Variants in TMEM170B observed in about 807,000 individuals in gnomAD.
TMEM170B encodes the protein transmembrane protein 170B.
A neutral mutation model predicts 13.0 loss-of-function variants in TMEM170B; 6 were observed. That is an observed-to-expected ratio of 0.46 (90% confidence interval 0.25 to 0.91). The LOEUF is 0.91. Among genes scored for constraint, TMEM170B ranks in the 40% least tolerant of loss-of-function variants. The pLI is 0.17. For synonymous variants in TMEM170B, 61 were observed against 64.9 expected (o/e 0.94, Z 0.29); for missense variants, 138 against 165.2 (o/e 0.84, Z 0.90).
Position 11,578,032 on chromosome 6 carries a change from G to A in TMEM170B, c.*2471G>A, listed in dbSNP as rs533708097. ...TGTTTAATGATATATATACACACAC[G>A]TATATATCATTATATAGGTATATAG... On this transcript the variant is annotated 3_prime_UTR_variant, in exon 3 of 3. Coordinates refer to ENST00000379426, the MANE Select transcript of TMEM170B (RefSeq NM_001100829.3). The A allele has an allele frequency of 2.6e-5, 4 of 152,134 alleles. No individual in the cohort carries two copies. In the South Asian group the frequency reaches 8.3e-4, roughly 31 times the overall value. 9.4% of individuals were successfully genotyped at this position (152,134 alleles called of 1,614,324 possible). A position where few individuals can be genotyped will look rare whatever the true frequency, so the allele number is the denominator to read the frequency against.
intron 2 of TMEM170B, among the ~76,000 whole-genome samples, chr6:11,571,175 C>CTTTTTT (rs11292093): frequency 4.0e-5 from 5 of 124,356 alleles, no homozygotes; most frequent in Admixed American, 8.1e-5. Context: ...CATATGCTTG[C>CTTTTTT]TTTTTTTTTT....
In TMEM170B at chr6:11,542,848, C is replaced by T. The variant is rs568942597; in HGVS notation, c.97+4474C>T. The stretch of plus-strand genomic sequence containing the variant: ...AAACATCTGTCATTTGTTGAATGGC[C>T]GCTGTGTGTTAGGCACTTTACATAT... On this transcript the variant is annotated intron_variant, in intron 1 of 2. Coordinates refer to ENST00000379426, the MANE Select transcript of TMEM170B (RefSeq NM_001100829.3). Among the ~76,000 whole-genome samples the T allele has an allele frequency of 5.3e-5, 8 of 152,250 alleles. No homozygotes were observed. The East Asian group carries it at 1.5e-3, about 29-fold the overall frequency.
chr6:11,546,469 A>G lies in TMEM170B; in HGVS notation c.97+8095A>G, dbSNP rs1181492996. On this transcript the variant is annotated intron_variant, in intron 1 of 2. Transcript: ENST00000379426. ...AATAAATTTAGTGTAGCCTGTGTAT[A>G]GTGTTTATAAAGTCTACAGCAGTGT... Among the ~76,000 whole-genome samples the G allele has an allele frequency of 8.5e-5, 13 of 152,322 alleles. No homozygotes were observed. The South Asian group carries it at 1.9e-3, about 22-fold the overall frequency.
intron 1 of TMEM170B, among the ~76,000 whole-genome samples, chr6:11,540,171 G>A (rs1759339691): frequency 6.6e-6 from 1 of 152,208 alleles, no homozygotes; most frequent in Admixed American, 6.5e-5. Flanking sequence ...TGGAGATTGG[G>A]ATGATGGCAG....
chr6:11,538,402 G>A (rs1219262701), intron 1 of TMEM170B, 28 bp downstream of exon 1: 3 of 1,469,346 alleles, frequency 2.0e-6, no homozygotes, highest in Admixed American at 2.3e-5. Flanking sequence ...GCTGGGGACG[G>A]GGATGCGGTC....
intron 1 of TMEM170B, among the ~76,000 whole-genome samples, chr6:11,539,307 TAAAAA>T (rs1255521727): frequency 6.6e-6 from 1 of 152,140 alleles, no homozygotes; most frequent in African/African-American, 2.4e-5. Context: ...AAAAAAATCT[TAAAAA>T]AATACTCAGA....
At chr6:11,557,450 G>GCA (rs1243731424) in intron 1 of TMEM170B, among the ~76,000 whole-genome samples, 3 of 151,856 alleles carry the variant, frequency 2.0e-5, no homozygotes, top group Non-Finnish European at 2.9e-5. Flanking sequence ...AACCACCATG[G>GCA]CACACATTTA....
Position 11,538,314 on chromosome 6 carries a change from C to T in TMEM170B, c.37C>T (p.Leu13=), listed in dbSNP as rs1582135358. The T allele has an allele frequency of 1.3e-6, 2 of 1,490,260 alleles. No homozygotes were observed. The highest frequency in any genetic ancestry group is 1.8e-6 in the Non-Finnish European group (2 of 1,126,572). The allele number at this position is 1,490,260 out of a possible 1,614,324, so 92.3% of individuals were successfully genotyped here. ...GGGGGGCGACCACTCCATGATCAAC[C>T]TGTCGGTGCAGCAGGTCCTGAGCCT... ...AEGGDHSMIN[L]SVQQVLSLWA... is the part of the protein sequence containing the mutation. The change falls in exon 1 of 3, where the codon CTG becomes TTG. Residue 13 remains leucine (L), a synonymous_variant. Coordinates refer to ENST00000379426, the MANE Select transcript of TMEM170B (RefSeq NM_001100829.3).
intron 2 of TMEM170B, among the ~76,000 whole-genome samples, chr6:11,573,659 C>A (rs199508405): frequency 1.3e-5 from 2 of 152,140 alleles, no homozygotes; most frequent in Non-Finnish European, 2.9e-5. Flanking sequence ...AGTTGTTTGC[C>A]ATTTCGCAGG....
intron 1 of TMEM170B, 77 bp downstream of exon 1, chr6:11,538,451 C>G: frequency 9.2e-7 from 1 of 1,090,666 alleles, no homozygotes; most frequent in Non-Finnish European, 1.3e-6. Flanking sequence ...GGAGGGGACA[C>G]GCTCCTCGCC....
At chr6:11,552,016 C>T (rs185517562) in intron 1 of TMEM170B, among the ~76,000 whole-genome samples, 26 of 152,226 alleles carry the variant, frequency 1.7e-4, no homozygotes, top group Middle Eastern at 3.4e-3. Flanking sequence ...TCCAGGCCTG[C>T]GTATCAGAAT....
chr6:11,553,246 A>G (rs1679422792), intron 1 of TMEM170B, among the ~76,000 whole-genome samples: 1 of 152,148 alleles, frequency 6.6e-6, no homozygotes, highest in Admixed American at 6.5e-5. Flanking sequence ...TAATTGAAAA[A>G]CAAAAATCCA....
chr6:11,545,280 CTGTGTGTGTGTG>C (rs1210551633), intron 1 of TMEM170B, among the ~76,000 whole-genome samples: 17 of 139,736 alleles, frequency 1.2e-4, no homozygotes, highest in Admixed American at 3.6e-4. Flanking sequence ...CTCTCTCTCT[CTGTGTGTGTGTG>C]TGTGTGTGTG....
At chr6:11,571,546 T>G (rs941394320) in intron 2 of TMEM170B, among the ~76,000 whole-genome samples, 1 of 152,166 alleles carries the variant, frequency 6.6e-6, no homozygotes, top group African/African-American at 2.4e-5. Flanking sequence ...TTTCCTTATT[T>G]CTAATTGATC....
rs1221852568 is a variant in TMEM170B, at chr6:11,582,583, GTT to G, written c.*7023_*7024del. Reference sequence around the variant, plus strand: ...CAAGTATGAAATGGAAAAAAATGTAGTTAAGAAAATTAAGTGTGAGACTTTAA... The same window carrying G: ...CAAGTATGAAATGGAAAAAAATGTAGAAGAAAATTAAGTGTGAGACTTTAA... On this transcript the variant is annotated 3_prime_UTR_variant, in exon 3 of 3. Coordinates refer to ENST00000379426, the MANE Select transcript of TMEM170B (RefSeq NM_001100829.3). 1 of 152,096 alleles carries G rather than the reference GTT, an allele frequency of 6.6e-6. No homozygotes were observed. The highest frequency in any genetic ancestry group is 1.5e-5 in the Non-Finnish European group (1 of 68,018). 9.4% of individuals were successfully genotyped at this position (152,096 alleles called of 1,614,324 possible). A position where few individuals can be genotyped will look rare whatever the true frequency, so the allele number is the denominator to read the frequency against.
intron 1 of TMEM170B, among the ~76,000 whole-genome samples, chr6:11,540,122 T>C (rs1369740648): frequency 6.6e-6 from 1 of 152,202 alleles, no homozygotes; most frequent in East Asian, 1.9e-4. Flanking sequence ...GGTCTTGTCT[T>C]TGTGTTGATG....
At chr6:11,559,181 T>G (rs1582142797) in intron 1 of TMEM170B, among the ~76,000 whole-genome samples, 1 of 151,086 alleles carries the variant, frequency 6.6e-6, no homozygotes, top group South Asian at 2.1e-4. Flanking sequence ...CTTTATATAT[T>G]TTTTTCTTTT....
intron 1 of TMEM170B, among the ~76,000 whole-genome samples, chr6:11,550,474 A>G (rs924694607): frequency 2.0e-5 from 3 of 151,274 alleles, no homozygotes; most frequent in South Asian, 4.2e-4. Flanking sequence ...TGCCCAGCCA[A>G]TTTCTTTTTT....
intron 2 of TMEM170B, among the ~76,000 whole-genome samples, chr6:11,571,020 A>G (rs1759792189): frequency 6.6e-6 from 1 of 152,138 alleles, no homozygotes; most frequent in Non-Finnish European, 1.5e-5. Context: ...AGATTTGTGG[A>G]TTGTAGTTTG....
Sources: allele counts gnomAD v4.1 joint callset (sites outside exome capture counted in the v4.1 genomes callset), GRCh38; gene constraint gnomAD v4.1.1; transcripts MANE v1.5; gene names NCBI Gene and HGNC (gene_info 2026-07-23, HGNC 2026-07-21).